The following ASAH1 variants were observed in gnomAD, a reference collection of about 807,000 sequenced individuals.
ASAH1 encodes acid ceramidase.
A neutral mutation model predicts 59.5 loss-of-function variants in ASAH1; 70 were observed. That is an observed-to-expected ratio of 1.18 (90% CI 0.97 to 1.43). The LOEUF (loss-of-function observed/expected upper bound fraction) is 1.43, where lower values mean the gene tolerates loss of function less well. Ranked by LOEUF, ASAH1 falls within the 40% of genes most tolerant of loss-of-function variation. The pLI is 0.00. For synonymous variants in ASAH1, 213 were observed against 166.5 expected (o/e 1.28, Z -2.15); for missense variants, 660 against 482.5 (o/e 1.37, Z -3.45).
intron 1 of ASAH1, among the ~76,000 whole-genome samples, chr8:18,076,920 CAT>C (rs1800425489): frequency 1.3e-5 from 2 of 152,356 alleles, no homozygotes; most frequent in South Asian, 2.1e-4. Flanking sequence ...AAGTTTCTCA[CAT>C]ATGTCTGGCT....
intron 6 of ASAH1, chr8:18,064,222 C>G (rs900045442): frequency 3.4e-6 from 2 of 585,274 alleles, no homozygotes; most frequent in Non-Finnish European, 6.0e-6. Context: ...AGCCCTGCAA[C>G]ATTTCTTCCA....
At chr8:18,069,531 C>T (rs1323373224) in intron 4 of ASAH1, 7 of 388,478 alleles carry the variant, frequency 1.8e-5, no homozygotes, top group Non-Finnish European at 2.9e-5. Context: ...AAGGAAATAC[C>T]ACACTCCCAG....
chr8:18,056,327 C>A lies in ASAH1; in HGVS notation c.*1207G>T, dbSNP rs1311552698. On this transcript the variant is annotated 3_prime_UTR_variant, in exon 14 of 14. Transcript: ENST00000637790. ...CCGTTTAGTCATATTTAATAACCCA[C>A]TTACATAACCCTTGTTATTTAATTC... 1 of 152,152 alleles carries A rather than the reference C, an allele frequency of 6.6e-6. No individual in the cohort carries two copies. Among genetic ancestry groups the A allele is most frequent in the East Asian group, 1.9e-4 (1 of 5,192 alleles). The allele number at this position is 152,152 out of a possible 1,614,324, so 9.4% of individuals were successfully genotyped here.
chr8:18,073,308 CT>C, intron 2 of ASAH1: 1 of 1,560,616 alleles, frequency 6.4e-7, no homozygotes. Context: ...AAAAAAAACA[CT>C]TAGCAGCATT....
At chr8:18,075,096 C>T (rs183427468) in intron 2 of ASAH1, among the ~76,000 whole-genome samples, 75 of 149,884 alleles carry the variant, frequency 5.0e-4, no homozygotes, top group African/African-American at 1.3e-3. Context: ...CCCGGGTTCA[C>T]GCCATTCTCC....
At chr8:18,081,667 C>T (rs1800659976) in intron 1 of ASAH1, among the ~76,000 whole-genome samples, 1 of 152,200 alleles carries the variant, frequency 6.6e-6, no homozygotes, top group Admixed American at 6.5e-5. Context: ...AACAAACACA[C>T]AAAAAATCCT....
rs2106037 is a variant in ASAH1, at chr8:18,069,771, G to C, written c.303+21C>G. 2.7e-6 allele frequency: 4 copies of C among 1,491,028 alleles called. No homozygotes were observed. The African/African-American group carries it at 5.5e-5, about 20-fold the overall frequency. 92.4% of individuals were successfully genotyped at this position (1,491,028 alleles called of 1,614,324 possible). A position where few individuals can be genotyped will look rare whatever the true frequency, so the allele number is the denominator to read the frequency against. On this transcript the variant is annotated intron_variant, in intron 4 of 13. Transcript: ENST00000637790. ...ATTTTCTATGTGCTTAACATTTATT[G>C]TGAGAAATAATATCTCTTACCAATT...
chr8:18,082,482 T>C (rs1800693660), intron 1 of ASAH1: 2 of 152,086 alleles, frequency 1.3e-5, no homozygotes, highest in Non-Finnish European at 2.9e-5. Context: ...GACAAAGCAA[T>C]GCCACTTGAA....
chr8:18,063,432 T>C (rs1588980706), intron 6 of ASAH1: 1 of 570,936 alleles, frequency 1.8e-6, no homozygotes, highest in Non-Finnish European at 3.1e-6. Context: ...GCCTTCCACG[T>C]AGTTGGGATT....
chr8:18,076,200 T>G (rs146921655), intron 1 of ASAH1: 3 of 155,650 alleles, frequency 1.9e-5, no homozygotes, highest in Admixed American at 6.3e-5. Context: ...GGTTCTAACT[T>G]CCAAGATTCA....
intron 5 of ASAH1, 87 bp downstream of exon 5, chr8:18,067,133 C>CCTGTGCTGTATATCTAAGACATACAGAAA: frequency 1.8e-6 from 1 of 569,772 alleles, no homozygotes; most frequent in Non-Finnish European, 2.4e-6. Context: ...ACATACAGCA[C>CCTGTGCTGTATATCTAAGACATACAGAAA]CTGTGCTGTA....
Position 18,083,971 on chromosome 8 carries a change from G to A in ASAH1, c.78+10C>T. The A allele has an allele frequency of 1.3e-6, 2 of 1,597,478 alleles. No homozygotes were observed. The highest frequency in any genetic ancestry group is 1.7e-6 in the Non-Finnish European group (2 of 1,179,238). ...CGCCCCTCTCTGCGCCTCGGCTCAAGCTCACTCACCGGCGGCGCGTGCTGC... is the reference window on the plus strand; with the variant it reads ...CGCCCCTCTCTGCGCCTCGGCTCAAACTCACTCACCGGCGGCGCGTGCTGC... On this transcript the variant is annotated intron_variant, in intron 1 of 13. Transcript: ENST00000637790.
At chr8:18,082,542 C>T (rs1378854013) in intron 1 of ASAH1, 1 of 152,158 alleles carries the variant, frequency 6.6e-6, no homozygotes, top group Non-Finnish European at 1.5e-5. Context: ...ACGCACAAAA[C>T]ACCAAACATC....
rs954880344 is a variant in ASAH1, at chr8:18,059,810, C to T, written c.786-107G>A. ...TAAGTTCTGGGACACATGTGCTGAA[C>T]GTGCAGGTTTGTTACATAGGTACAC... On this transcript the variant is annotated intron_variant, in intron 10 of 13. Transcript: ENST00000637790. 27 of 1,186,594 alleles carry T rather than the reference C, an allele frequency of 2.3e-5. No homozygotes were observed. In the Admixed American group the frequency reaches 2.7e-4, roughly 12 times the overall value. 73.5% of individuals were successfully genotyped at this position (1,186,594 alleles called of 1,614,324 possible). A position where few individuals can be genotyped will look rare whatever the true frequency, so the allele number is the denominator to read the frequency against.
intron 7 of ASAH1, chr8:18,062,804 G>A (rs749532410): frequency 1.6e-4 from 61 of 371,026 alleles, no homozygotes; most frequent in Non-Finnish European, 2.7e-4. Context: ...GGTGTGACTT[G>A]GGACTTACTT....
intron 5 of ASAH1, 106 bp downstream of exon 5, chr8:18,067,114 A>G (rs1033556306): frequency 3.9e-6 from 2 of 514,492 alleles, no homozygotes; most frequent in East Asian, 6.8e-5. Context: ...CCTGTGCTGT[A>G]TATCTAAGAC....
At chr8:18,066,983 C>T (rs1799952061) in intron 5 of ASAH1, 14 of 385,812 alleles carry the variant, frequency 3.6e-5, no homozygotes, top group Middle Eastern at 6.5e-4. Flanking sequence ...GTATTTTCTG[C>T]AAAGGGGCAT....
upstream of ASAH1, chr8:18,084,687 C>T (rs1009940842): frequency 6.2e-7 from 1 of 1,613,676 alleles, no homozygotes; most frequent in African/African-American, 1.3e-5. Context: ...TGGGCTTTCA[C>T]AGCAAAGCTG....
intron 2 of ASAH1, 46 bp downstream of exon 2, chr8:18,075,495 C>T: frequency 1.3e-6 from 2 of 1,599,456 alleles, no homozygotes; most frequent in Admixed American, 3.3e-5. Context: ...ACAGAAAAAA[C>T]TTCACAAAGG....
Sources: allele counts gnomAD v4.1 joint callset (sites outside exome capture counted in the v4.1 genomes callset), GRCh38; gene constraint gnomAD v4.1.1; transcripts MANE v1.5; gene names NCBI Gene and HGNC (gene_info 2026-07-23, HGNC 2026-07-21).